The following GFPT1 variants were observed in gnomAD, a reference collection of about 807,000 sequenced individuals.
GFPT1 encodes the protein glutamine--fructose-6-phosphate transaminase 1.
Under a neutral mutation model 92.0 loss-of-function variants are expected in GFPT1, and 40 were observed. The ratio of observed to expected loss-of-function variants is 0.43; its 90% CI spans 0.34 to 0.57. GFPT1 has a LOEUF of 0.57. GFPT1 is among the 20% of genes least tolerant of loss of function. The pLI is 0.02. For synonymous variants in GFPT1, 269 were observed against 280.6 expected (o/e 0.96, Z 0.41); for missense variants, 448 against 869.1 (o/e 0.52, Z 6.09).
chr2:69,354,341 A>C, intron 8 of GFPT1, 29 bp from the exon 9 acceptor site: 1 of 1,555,330 alleles, frequency 6.4e-7, no homozygotes, highest in Non-Finnish European at 8.8e-7. Flanking sequence ...AAAAAATTCT[A>C]ATCATCAGAG....
chr2:69,356,480 T>C lies in GFPT1; in HGVS notation c.605+16A>G, dbSNP rs1443124884. ...ATATGTTGAAATACATTAGTCATTG[T>C]TAGAGTTATATGTACCTTGTGCCAA... On this transcript the variant is annotated intron_variant, in intron 7 of 19. Transcript: ENST00000357308. 2.5e-6 allele frequency: 4 copies of C among 1,572,270 alleles called. No homozygotes were observed. Among genetic ancestry groups the C allele is most frequent in the Non-Finnish European group, 3.5e-6 (4 of 1,141,784 alleles).
intron 13 of GFPT1, among the ~76,000 whole-genome samples, chr2:69,341,445 T>G (rs1367392231): frequency 6.6e-6 from 1 of 152,150 alleles, no homozygotes; most frequent in African/African-American, 2.4e-5. Flanking sequence ...TAATAAATAT[T>G]TATGCCTCAG....
rs1409364713 is a variant in GFPT1 at position 69,325,508 on chromosome 2, T to C, written c.*681A>G. ...CAGCTTGAATTTAAAGTTTGTGCTA[T>C]AAAATTGTGCAAATATGTTAAGGAT... On this transcript the variant is annotated 3_prime_UTR_variant, in exon 20 of 20. Transcript: ENST00000357308. The C allele has an allele frequency of 2.0e-5, 3 of 152,172 alleles. No homozygotes were observed. The highest frequency in any genetic ancestry group is 6.5e-5 in the Admixed American group (1 of 15,278). 9.4% of individuals were successfully genotyped at this position (152,172 alleles called of 1,614,324 possible).
In GFPT1 at chr2:69,326,045, A is replaced by G; in HGVS notation, c.*144T>C. On this transcript the variant is annotated 3_prime_UTR_variant, in exon 20 of 20. Coordinates refer to ENST00000357308, the MANE Select transcript of GFPT1 (RefSeq NM_001244710.2). ...GTAACTTCACAAAAATCACATATTG[A>G]GTGGAATAATTATAACTGATATATA... 1.6e-6 allele frequency: 1 copy of G among 611,566 alleles called. No homozygotes were observed. Among genetic ancestry groups the G allele is most frequent in the Non-Finnish European group, 2.9e-6 (1 of 345,288 alleles). 37.9% of individuals were successfully genotyped at this position (611,566 alleles called of 1,614,324 possible).
intron 3 of GFPT1, among the ~76,000 whole-genome samples, chr2:69,368,140 T>C (rs1470202607): frequency 6.6e-6 from 1 of 152,152 alleles, no homozygotes; most frequent in African/African-American, 2.4e-5. Flanking sequence ...TCCCAGCACT[T>C]GGGAGGCCAA....
At chr2:69,335,850 G>A (rs188217573) in intron 15 of GFPT1, among the ~76,000 whole-genome samples, 10 of 151,754 alleles carry the variant, frequency 6.6e-5, no homozygotes, top group South Asian at 6.3e-4. Context: ...GTAAAACTCC[G>A]TCTCTACAAA....
At chr2:69,364,128 A>AAT (rs1431811695) in intron 3 of GFPT1, among the ~76,000 whole-genome samples, 3 of 151,972 alleles carry the variant, frequency 2.0e-5, no homozygotes, top group Non-Finnish European at 2.9e-5. Context: ...AAAAAAAAAA[A>AAT]AAGACTTAGG....
intron 2 of GFPT1, chr2:69,371,186 C>A: frequency 6.7e-6 from 1 of 150,246 alleles, no homozygotes; most frequent in Non-Finnish European, 1.5e-5. Context: ...AGCAATTCTC[C>A]TGCCTCAGCC....
intron 3 of GFPT1, among the ~76,000 whole-genome samples, chr2:69,369,141 T>C (rs1671683537): frequency 6.6e-6 from 1 of 152,208 alleles, no homozygotes; most frequent in Non-Finnish European, 1.5e-5. Flanking sequence ...GTTATTTGGG[T>C]GTCTGCTTTA....
Position 69,337,970 on chromosome 2 carries a change from A to G in GFPT1, c.1410T>C (p.Ser470=), listed in dbSNP as rs773126687. 3.7e-6 allele frequency: 6 copies of G among 1,613,586 alleles called. No homozygotes were observed. The Admixed American group carries it at 8.3e-5, about 22-fold the overall frequency. The part of the protein sequence containing the change: ...LTVGITNTVG[S]SISRETDCGV... Reference sequence around the variant, plus strand: ...CACAATCTGTCTCCCGTGATATGGAACTGCCAACTGTGTTTGTGATCCCCA... The same window carrying G: ...CACAATCTGTCTCCCGTGATATGGAGCTGCCAACTGTGTTTGTGATCCCCA... Residue 470 remains serine, a synonymous_variant, in exon 15 of 20, where the codon AGT becomes AGC. Coordinates refer to ENST00000357308, the MANE Select transcript of GFPT1 (RefSeq NM_001244710.2).
At chr2:69,326,842 T>G in intron 19 of GFPT1, 72 bp downstream of exon 19, 2 of 1,430,950 alleles carry the variant, frequency 1.4e-6, no homozygotes, top group Non-Finnish European at 9.9e-7. Context: ...TGTTAAAAAT[T>G]TAGGAGAAAA....
At chr2:69,368,111 T>C (rs1020919293) in intron 3 of GFPT1, among the ~76,000 whole-genome samples, 3 of 152,022 alleles carry the variant, frequency 2.0e-5, no homozygotes, top group Non-Finnish European at 4.4e-5. Flanking sequence ...TAGCAAGGTG[T>C]GGTGGCTCAC....
In GFPT1 at chr2:69,324,859, T is replaced by G. The variant is rs1320420049; in HGVS notation, c.*1330A>C. The G allele has an allele frequency of 2.0e-5, 3 of 152,220 alleles. No individual in the cohort carries two copies. Among genetic ancestry groups the G allele is most frequent in the African/African-American group, 7.2e-5 (3 of 41,464 alleles). The allele number at this position is 152,220 out of a possible 1,614,324, so 9.4% of individuals were successfully genotyped here. ...ATTAAGAAATTATTACTCACAATTT[T>G]GGGGGTATCAAATAATAACATTCTA... On this transcript the variant is annotated 3_prime_UTR_variant, in exon 20 of 20. Coordinates refer to ENST00000357308, the MANE Select transcript of GFPT1 (RefSeq NM_001244710.2).
Position 69,322,233 on chromosome 2 carries a change from C to T in GFPT1, c.*3956G>A, listed in dbSNP as rs1414671317. Reference sequence around the variant, plus strand: ...AATATCATAAAATGAAAATATCACTCCCTTCAATTTCTTTGGCCTTCACAA... The same window carrying T: ...AATATCATAAAATGAAAATATCACTTCCTTCAATTTCTTTGGCCTTCACAA... On this transcript the variant is annotated 3_prime_UTR_variant, in exon 20 of 20. Transcript: ENST00000357308. 6.6e-6 allele frequency: 1 copy of T among 152,128 alleles called. No individual in the cohort carries two copies. Among genetic ancestry groups the T allele is most frequent in the African/African-American group, 2.4e-5 (1 of 41,422 alleles). 9.4% of individuals were successfully genotyped at this position (152,128 alleles called of 1,614,324 possible).
chr2:69,385,603 T>G (rs1672112216), intron 1 of GFPT1, among the ~76,000 whole-genome samples: 1 of 151,980 alleles, frequency 6.6e-6, no homozygotes. Context: ...TGAAATGACC[T>G]GCAACCAGAA....
chr2:69,373,393 G>C (rs1272816596), intron 2 of GFPT1, among the ~76,000 whole-genome samples: 2 of 152,174 alleles, frequency 1.3e-5, no homozygotes, highest in Non-Finnish European at 2.9e-5. Context: ...AAGGCAGGAG[G>C]ATCACTTGAG....
At position 69,350,669 on chromosome 2, in the gene GFPT1, G is replaced by A. The variant is rs1458344798; in HGVS notation, c.740-486C>T. On this transcript the variant is annotated intron_variant, in intron 9 of 19. Transcript: ENST00000357308. Reference sequence around the variant, plus strand: ...TGTAATCCTAGCACTTTGGAAGGCCGAGGCAGGTGAATCACTTGAGGTCAG... The same window carrying A: ...TGTAATCCTAGCACTTTGGAAGGCCAAGGCAGGTGAATCACTTGAGGTCAG... 2.6e-5 allele frequency among the ~76,000 whole-genome samples: 4 copies of A among 152,180 alleles called. No homozygotes were observed. The South Asian group carries it at 6.2e-4, about 24-fold the overall frequency.
intron 4 of GFPT1, among the ~76,000 whole-genome samples, chr2:69,361,093 A>G (rs186339296): frequency 2.0e-5 from 3 of 152,228 alleles, no homozygotes; most frequent in East Asian, 3.9e-4. Flanking sequence ...GTAATTAGAA[A>G]CCAAATAATA....
intron 4 of GFPT1, among the ~76,000 whole-genome samples, chr2:69,361,274 C>T (rs796670147): frequency 1.7e-4 from 26 of 151,822 alleles, no homozygotes; most frequent in African/African-American, 6.0e-4. Context: ...ATGGTGAAAC[C>T]TTGTCTCTAC....
Sources: gnomAD v4.1 joint callset for allele counts (sites outside exome capture counted in the v4.1 genomes callset) on GRCh38, gnomAD v4.1.1 for gene constraint, MANE v1.5 for transcripts, NCBI Gene and HGNC (gene_info 2026-07-23, HGNC 2026-07-21) for gene names.